Variants in MAPKAPK5 observed in about 807,000 individuals in gnomAD.
MAPKAPK5 encodes MAP kinase-activated protein kinase 5.
Under a neutral mutation model 65.1 loss-of-function variants are expected in MAPKAPK5, and 30 were observed. The ratio of observed to expected loss-of-function variants is 0.46; its 90% CI spans 0.34 to 0.63. The LOEUF (loss-of-function observed/expected upper bound fraction) is 0.63, where lower values mean the gene tolerates loss of function less well. MAPKAPK5 is among the 20% of genes least tolerant of loss of function. MAPKAPK5 has a pLI of 0.01. For synonymous variants in MAPKAPK5, 179 were observed against 204.6 expected (o/e 0.87, Z 1.07); for missense variants, 433 against 581.4 (o/e 0.74, Z 2.63).
rs1352106587 is a variant in MAPKAPK5 at position 111,902,104 on chromosome 12, A to G, written c.*9043A>G. On this transcript the variant is annotated 3_prime_UTR_variant, in exon 14 of 14. Coordinates refer to ENST00000550735, the MANE Select transcript of MAPKAPK5 (RefSeq NM_003668.4). Reference sequence around the variant, plus strand: ...TTTTCATTTTAAGTAACAACTACCTATTATGTGAGGACAGTTGTTTATGTG... The same window carrying G: ...TTTTCATTTTAAGTAACAACTACCTGTTATGTGAGGACAGTTGTTTATGTG... 8.5e-5 allele frequency: 13 copies of G among 152,274 alleles called. No homozygotes were observed. Among genetic ancestry groups the G allele is most frequent in the Non-Finnish European group, 1.6e-4 (11 of 68,136 alleles). 9.4% of individuals were successfully genotyped at this position (152,274 alleles called of 1,614,324 possible). A position where few individuals can be genotyped will look rare whatever the true frequency, so the allele number is the denominator to read the frequency against.
intron 9 of MAPKAPK5, among the ~76,000 whole-genome samples, chr12:111,884,587 G>A (rs2070343019): frequency 6.6e-6 from 1 of 152,202 alleles, no homozygotes; most frequent in Admixed American, 6.5e-5. Context: ...TTGATATTCA[G>A]AGTCTTTTGG....
intron 1 of MAPKAPK5, chr12:111,843,493 G>T (rs1283160346): frequency 2.6e-6 from 1 of 383,476 alleles, no homozygotes; most frequent in African/African-American, 2.1e-5. Flanking sequence ...TGTCTTGACA[G>T]CTGTAGCTAA....
Position 111,888,937 on chromosome 12 carries a change from G to A in MAPKAPK5, c.1153G>A (p.Asp385Asn), listed in dbSNP as rs2070508331. The A allele has an allele frequency of 4.3e-6, 7 of 1,612,976 alleles. No homozygotes were observed. The highest frequency in any genetic ancestry group is 5.1e-6 in the Non-Finnish European group (6 of 1,179,566). ...YIHDHENGAE[D>N]SNVALEKLRD... ...CCACGACCATGAGAATGGAGCCGAGGATTCCAATGTTGCCTTGGAAAAACT... is the reference window on the plus strand; with the variant it reads ...CCACGACCATGAGAATGGAGCCGAGAATTCCAATGTTGCCTTGGAAAAACT... The change falls in exon 12 of 14, where the codon GAT becomes AAT. Residue 385 changes from aspartate to asparagine, a missense_variant. Transcript: ENST00000550735.
chr12:111,885,666 AAAGTATC>A (rs2070376363), intron 9 of MAPKAPK5: 2 of 446,754 alleles, frequency 4.5e-6, no homozygotes, highest in African/African-American at 3.9e-5. Flanking sequence ...CTAGAACTCA[AAAGTATC>A]ACTGGATTAA....
chr12:111,877,242 CT>C (rs2070021606), intron 7 of MAPKAPK5, among the ~76,000 whole-genome samples: 1 of 114,684 alleles, frequency 8.7e-6, no homozygotes, highest in Non-Finnish European at 1.9e-5. Context: ...TGGTCTTGAA[CT>C]CCTAACCTCA....
At position 111,853,830 on chromosome 12, in the gene MAPKAPK5, C is replaced by G. The variant is rs144167677; in HGVS notation, c.36+11061C>G. Among the ~76,000 whole-genome samples the G allele has an allele frequency of 4.6e-4, 70 of 152,292 alleles. 1 individual carries two copies. In the East Asian group the frequency reaches 0.011, roughly 24 times the overall value. On this transcript the variant is annotated intron_variant, in intron 1 of 13. Transcript: ENST00000550735. Reference sequence around the variant, plus strand: ...GATTACAGGCTTAAGCCACTACGCCCGGCCTGGCTGACAGTTTTATCAGGA... The same window carrying G: ...GATTACAGGCTTAAGCCACTACGCCGGGCCTGGCTGACAGTTTTATCAGGA...
At chr12:111,848,588 A>G (rs2068974762) in intron 1 of MAPKAPK5, among the ~76,000 whole-genome samples, 1 of 142,066 alleles carries the variant, frequency 7.0e-6, no homozygotes, top group Middle Eastern at 4.5e-3. Context: ...TAATTTTTGT[A>G]TTTTAGTAGA....
At chr12:111,845,381 C>G (rs1009274625) in intron 1 of MAPKAPK5, among the ~76,000 whole-genome samples, 2 of 152,080 alleles carry the variant, frequency 1.3e-5, no homozygotes, top group Admixed American at 1.3e-4. Context: ...GTCTCGAACT[C>G]CTGACCTCAG....
chr12:111,868,769 G>T lies in MAPKAPK5; in HGVS notation c.301G>T (p.Val101Leu), dbSNP rs868642182. 23 of 1,551,216 alleles carry T rather than the reference G, an allele frequency of 1.5e-5. No homozygotes were observed. Among genetic ancestry groups the T allele is most frequent in the East Asian group, 2.4e-5 (1 of 41,306 alleles). The change falls in exon 5 of 14, where the codon GTA becomes TTA. Residue 101 changes from valine (V) to leucine (L), a missense_variant. Coordinates refer to ENST00000550735, the MANE Select transcript of MAPKAPK5 (RefSeq NM_003668.4). ...TTCAAACAGGGCCCGACTCTTAATTGTAATGGAGATGATGGAAGGGGGAGA... is the reference window on the plus strand; with the variant it reads ...TTCAAACAGGGCCCGACTCTTAATTTTAATGGAGATGATGGAAGGGGGAGA... ...ESSPRARLLI[V>L]MEMMEGGELF...
At chr12:111,848,248 G>C (rs1283709784) in intron 1 of MAPKAPK5, among the ~76,000 whole-genome samples, 1 of 152,030 alleles carries the variant, frequency 6.6e-6, no homozygotes, top group Non-Finnish European at 1.5e-5. Context: ...CAAATATTAG[G>C]TATTTTCAGT....
Position 111,870,302 on chromosome 12 carries a change from T to C in MAPKAPK5, c.425T>C (p.Leu142Ser), listed in dbSNP as rs772734420. 3.9e-5 allele frequency: 63 copies of C among 1,609,852 alleles called. 1 individual carries two copies. Among genetic ancestry groups the C allele is most frequent in the Non-Finnish European group, 5.0e-5 (59 of 1,176,514 alleles). The change falls in exon 6 of 14, where the codon TTA (leucine) becomes TCA (serine). Residue 142 changes from leucine to serine, a missense_variant. By Grantham distance (145) the Leu-to-Ser change is moderately radical. This residue lies in a region of MAPKAPK5 where 165 missense variants were observed against 180.0 expected (regional missense o/e 0.92). Coordinates refer to ENST00000550735, the MANE Select transcript of MAPKAPK5 (RefSeq NM_003668.4). The part of the protein sequence containing the change: ...IALALRHCHL[L>S]NIAHRDLKPE... ...TTGGCTCTGCGGCACTGTCACTTGTTAAACATTGCGCACAGAGACCTCAAG... is the reference window on the plus strand; with the variant it reads ...TTGGCTCTGCGGCACTGTCACTTGTCAAACATTGCGCACAGAGACCTCAAG...
chr12:111,882,520 T>A (rs1456247066), intron 8 of MAPKAPK5, among the ~76,000 whole-genome samples: 1 of 152,234 alleles, frequency 6.6e-6, no homozygotes, highest in African/African-American at 2.4e-5. Flanking sequence ...CAGGCACCTC[T>A]TTTATCTCGC....
In MAPKAPK5 at chr12:111,901,503, T is replaced by C. The variant is rs2086275936; in HGVS notation, c.*8442T>C. On this transcript the variant is annotated 3_prime_UTR_variant, in exon 14 of 14. Transcript: ENST00000550735. ...ATTCATTATACTTTTTATAATATTA[T>C]TATTAAGTACAATTATTTGATCTGC... is the stretch of plus-strand genomic sequence containing the variant. 2.4e-6 allele frequency: 1 copy of C among 421,160 alleles called. No individual in the cohort carries two copies. Among genetic ancestry groups the C allele is most frequent in the South Asian group, 1.8e-5 (1 of 56,508 alleles). The allele number at this position is 421,160 out of a possible 1,614,324, so 26.1% of individuals were successfully genotyped here. A position where few individuals can be genotyped will look rare whatever the true frequency, so the allele number is the denominator to read the frequency against.
intron 1 of MAPKAPK5, among the ~76,000 whole-genome samples, chr12:111,843,709 G>A (rs61941285): frequency 9.9e-5 from 15 of 152,126 alleles, no homozygotes; most frequent in Non-Finnish European, 2.2e-4. Flanking sequence ...TTCTTTAGGT[G>A]GTGTATATAG....
chr12:111,878,000 CTCT>C (rs908711707), intron 7 of MAPKAPK5, among the ~76,000 whole-genome samples: 1 of 145,620 alleles, frequency 6.9e-6, no homozygotes, highest in Non-Finnish European at 1.5e-5. Flanking sequence ...CTGACTCTGA[CTCT>C]TTTTTTTTTT....
intron 7 of MAPKAPK5, among the ~76,000 whole-genome samples, chr12:111,878,118 T>C (rs1475826470): frequency 6.6e-6 from 1 of 152,142 alleles, no homozygotes; most frequent in African/African-American, 2.4e-5. Flanking sequence ...TTTCATTCTT[T>C]AACAGTGTCT....
chr12:111,870,287 G>T lies in MAPKAPK5; in HGVS notation c.410G>T (p.Arg137Leu). The T allele has an allele frequency of 1.2e-6, 2 of 1,605,284 alleles. No homozygotes were observed. The highest frequency in any genetic ancestry group is 2.2e-5 in the South Asian group (2 of 90,658). Residue 137 changes from arginine to leucine, a missense_variant, in exon 6 of 14, where the codon CGG becomes CTG. By Grantham distance (102) the Arg-to-Leu change is moderately radical. This residue lies in a region of MAPKAPK5 where 165 missense variants were observed against 180.0 expected (regional missense o/e 0.92). Transcript: ENST00000550735. ...TTTTTTCAGATAGCTTTGGCTCTGCGGCACTGTCACTTGTTAAACATTGCG... is the reference window on the plus strand; with the variant it reads ...TTTTTTCAGATAGCTTTGGCTCTGCTGCACTGTCACTTGTTAAACATTGCG... ...QVTKQIALAL[R>L]HCHLLNIAHR...
intron 7 of MAPKAPK5, among the ~76,000 whole-genome samples, chr12:111,873,496 A>G (rs1397459600): frequency 6.6e-6 from 1 of 152,078 alleles, no homozygotes; most frequent in Non-Finnish European, 1.5e-5. Context: ...GGAGCCCGCC[A>G]CCATGTCCGG....
intron 1 of MAPKAPK5, among the ~76,000 whole-genome samples, chr12:111,858,505 A>G (rs902215863): frequency 1.4e-5 from 2 of 147,396 alleles, no homozygotes; most frequent in Non-Finnish European, 3.0e-5. Flanking sequence ...CATGTTCACT[A>G]ATTATTCTGT....
Sources: allele counts gnomAD v4.1 joint callset (sites outside exome capture counted in the v4.1 genomes callset), GRCh38; gene constraint gnomAD v4.1.1; regional missense constraint gnomAD v4.1.1; transcripts MANE v1.5; gene names NCBI Gene and HGNC (gene_info 2026-07-23, HGNC 2026-07-21).